Variants in ZCWPW2 observed in about 807,000 individuals in gnomAD.
ZCWPW2 encodes the protein zinc finger CW-type and PWWP domain containing 2.
ZCWPW2 carries 45 observed loss-of-function variants against 46.6 expected under a neutral mutation model. The ratio of observed to expected loss-of-function variants is 0.96; its 90% CI spans 0.76 to 1.24. The LOEUF (loss-of-function observed/expected upper bound fraction) is 1.24, where lower values mean the gene tolerates loss of function less well. Among genes scored for constraint, ZCWPW2 ranks in the 50% most tolerant of loss-of-function variants. The probability of loss-of-function intolerance (pLI) is 0.00; values close to 1 mark genes in which losing one functional copy is unlikely to be tolerated. For synonymous variants in ZCWPW2, 152 were observed against 137.1 expected (o/e 1.11, Z -0.76); for missense variants, 429 against 403.9 (o/e 1.06, Z -0.53).
chr3:28,349,239 G>C, intron 1 of ZCWPW2, 36 bp downstream of exon 1: 1 of 981,732 alleles, frequency 1.0e-6, no homozygotes, highest in Non-Finnish European at 1.2e-6. Context: ...CTGTTGGGCC[G>C]AGGTCCCCCT....
Position 28,417,099 on chromosome 3 carries a change from C to A in ZCWPW2, c.332+3699C>A, listed in dbSNP as rs552592619. ...TGAAAAGGTCAACAAAATTGATAGACCGCTAGGAAGACTAATAAAGAAGAA... is the reference window on the plus strand; with the variant it reads ...TGAAAAGGTCAACAAAATTGATAGAACGCTAGGAAGACTAATAAAGAAGAA... On this transcript the variant is annotated intron_variant, in intron 3 of 9. Transcript: ENST00000383768. Among the ~76,000 whole-genome samples the A allele has an allele frequency of 9.5e-5, 14 of 147,190 alleles. No homozygotes were observed. The East Asian group carries it at 2.8e-3, about 29-fold the overall frequency.
At chr3:28,469,220 C>T (rs2125795082) in intron 4 of ZCWPW2, among the ~76,000 whole-genome samples, 1 of 151,844 alleles carries the variant, frequency 6.6e-6, no homozygotes, top group African/African-American at 2.4e-5. Flanking sequence ...AAACATACAA[C>T]AGGTACACAA....
intron 1 of ZCWPW2, among the ~76,000 whole-genome samples, chr3:28,380,747 A>G (rs1433711607): frequency 6.6e-6 from 1 of 151,544 alleles, no homozygotes. Context: ...CCTACATGGA[A>G]TATGTCAGTG....
chr3:28,504,800 A>C (rs1462592538), intron 6 of ZCWPW2, among the ~76,000 whole-genome samples: 1 of 152,198 alleles, frequency 6.6e-6, no homozygotes, highest in African/African-American at 2.4e-5. Flanking sequence ...TCAATCAGCT[A>C]AGCAACTGTG....
At chr3:28,357,270 A>G (rs1280566068) in intron 1 of ZCWPW2, among the ~76,000 whole-genome samples, 1 of 152,190 alleles carries the variant, frequency 6.6e-6, no homozygotes, top group African/African-American at 2.4e-5. Flanking sequence ...GTTAAGCTAC[A>G]TTTTTCAAAT....
intron 3 of ZCWPW2, 151 bp downstream of exon 3, chr3:28,413,551 T>C (rs1696495344): frequency 2.9e-6 from 2 of 686,382 alleles, no homozygotes; most frequent in Non-Finnish European, 4.5e-6. Flanking sequence ...GATTTTTTTC[T>C]AGCTTTTTAA....
intron 1 of ZCWPW2, among the ~76,000 whole-genome samples, chr3:28,368,760 A>C (rs963630492): frequency 1.3e-5 from 2 of 152,192 alleles, no homozygotes; most frequent in Non-Finnish European, 2.9e-5. Flanking sequence ...GTGTTTTCCA[A>C]CTTGGTTCCA....
intron 6 of ZCWPW2, among the ~76,000 whole-genome samples, chr3:28,494,468 C>T (rs1266538160): frequency 3.3e-5 from 5 of 149,394 alleles, no homozygotes; most frequent in South Asian, 2.2e-4. Flanking sequence ...TGTAGATATG[C>T]GGCATTATTT....
rs190710746 is a variant in ZCWPW2, at chr3:28,487,480, C to A, written c.611-4647C>A. 3.5e-3 allele frequency among the ~76,000 whole-genome samples: 538 copies of A among 152,192 alleles called. 2 individuals are homozygous for A. The highest frequency in any genetic ancestry group is 0.012 in the African/African-American group (489 of 41,550). ...TGAATCTTTCTTAGAATTTTCATTT[C>A]TTTGCTTACGTTACCTATCTGTTAT... is the stretch of plus-strand genomic sequence containing the variant. On this transcript the variant is annotated intron_variant, in intron 5 of 9. Coordinates refer to ENST00000383768, the MANE Select transcript of ZCWPW2 (RefSeq NM_001040432.4).
intron 8 of ZCWPW2, among the ~76,000 whole-genome samples, chr3:28,517,360 T>A (rs1185642770): frequency 6.6e-6 from 1 of 152,310 alleles, no homozygotes; most frequent in Non-Finnish European, 1.5e-5. Context: ...CTAGGAAGCA[T>A]GGTGCTTGGC....
chr3:28,357,224 G>A (rs1031302768), intron 1 of ZCWPW2, among the ~76,000 whole-genome samples: 1 of 152,078 alleles, frequency 6.6e-6, no homozygotes, highest in African/African-American at 2.4e-5. Context: ...ATAATGAAAG[G>A]ATGACATTAA....
intron 2 of ZCWPW2, among the ~76,000 whole-genome samples, chr3:28,400,612 TA>T (rs1695883022): frequency 1.3e-5 from 2 of 152,308 alleles, no homozygotes; most frequent in South Asian, 4.1e-4. Context: ...CCCTACAAGC[TA>T]GAAGGGACTG....
At chr3:28,406,826 CTTTTTTT>C (rs11337849) in intron 2 of ZCWPW2, among the ~76,000 whole-genome samples, 3 of 119,984 alleles carry the variant, frequency 2.5e-5, no homozygotes, top group Non-Finnish European at 3.5e-5. Context: ...TCTTTTTTTT[CTTTTTTT>C]TTTTTTTTTT....
intron 6 of ZCWPW2, among the ~76,000 whole-genome samples, chr3:28,501,500 A>G (rs1163736003): frequency 6.6e-6 from 1 of 152,172 alleles, no homozygotes; most frequent in Admixed American, 6.6e-5. Context: ...ACGACCTCCT[A>G]TAAATTTTAT....
chr3:28,456,089 CATG>C, intron 4 of ZCWPW2, among the ~76,000 whole-genome samples: 1 of 152,270 alleles, frequency 6.6e-6, no homozygotes, highest in South Asian at 2.1e-4. Flanking sequence ...TGGCCATTTT[CATG>C]ATATTGATTC....
intron 1 of ZCWPW2, among the ~76,000 whole-genome samples, chr3:28,385,113 A>G (rs756269301): frequency 2.0e-5 from 3 of 152,242 alleles, no homozygotes; most frequent in East Asian, 3.8e-4. Flanking sequence ...TAAGATGATC[A>G]TATGGTTTTC....
At chr3:28,498,516 TG>T (rs1296437950) in intron 6 of ZCWPW2, among the ~76,000 whole-genome samples, 1 of 151,968 alleles carries the variant, frequency 6.6e-6, no homozygotes, top group East Asian at 1.9e-4. Flanking sequence ...TTATAATAGG[TG>T]GTTAATAAAT....
At chr3:28,482,878 T>G (rs1042850543) in intron 5 of ZCWPW2, among the ~76,000 whole-genome samples, 1 of 152,136 alleles carries the variant, frequency 6.6e-6, no homozygotes, top group Non-Finnish European at 1.5e-5. Flanking sequence ...GTTTTAAGAG[T>G]TCTTTGTATA....
chr3:28,464,670 A>C (rs903330535), intron 4 of ZCWPW2, among the ~76,000 whole-genome samples: 1 of 152,202 alleles, frequency 6.6e-6, no homozygotes, highest in African/African-American at 2.4e-5. Flanking sequence ...GGAGAAGAAG[A>C]AGCATAGATG....
Sources: allele counts gnomAD v4.1 joint callset (sites outside exome capture counted in the v4.1 genomes callset), GRCh38; gene constraint gnomAD v4.1.1; transcripts MANE v1.5; gene names NCBI Gene and HGNC (gene_info 2026-07-23, HGNC 2026-07-21).